The following HPSE2 variants were observed in gnomAD, a reference collection of about 807,000 sequenced individuals.
The protein encoded by HPSE2 is inactive heparanase-2.
A neutral mutation model predicts 60.5 loss-of-function variants in HPSE2; 38 were observed. That is an observed-to-expected ratio of 0.63 (90% CI 0.48 to 0.82). The LOEUF (loss-of-function observed/expected upper bound fraction) is 0.82, where lower values mean the gene tolerates loss of function less well. Ranked by LOEUF, HPSE2 falls within the 40% of genes least tolerant of loss-of-function variation. HPSE2 has a pLI of 0.00. For synonymous variants in HPSE2, 295 were observed against 293.2 expected (o/e 1.01, Z -0.06); for missense variants, 713 against 740.4 (o/e 0.96, Z 0.43).
chr10:99,262,277 G>C, the HPSE2 span, among the ~76,000 whole-genome samples: 1 of 152,086 alleles, frequency 6.6e-6, no homozygotes, highest in Non-Finnish European at 1.5e-5. Context: ...CCCCAACTCT[G>C]GTGCCAACTT....
Position 98,966,982 on chromosome 10 carries a change from A to T in HPSE2, c.610+177256T>A, listed in dbSNP as rs562590753. ...TGGGGCTCTTCCGGGCTAAGGTAAA[A>T]AGTTAGGGCTTTATGTTATGAAGAT... On this transcript the variant is annotated intron_variant, in intron 3 of 11. Transcript: ENST00000370552. 8.5e-4 allele frequency among the ~76,000 whole-genome samples: 129 copies of T among 152,220 alleles called. 1 individual carries two copies. Among genetic ancestry groups the T allele is most frequent in the African/African-American group, 2.9e-3 (122 of 41,546 alleles).
chr10:99,158,745 AT>A (rs1349977963), intron 2 of HPSE2, among the ~76,000 whole-genome samples: 1 of 151,738 alleles, frequency 6.6e-6, no homozygotes, highest in East Asian at 1.9e-4. Flanking sequence ...TTAAAGTATA[AT>A]TAAAAAAAAA....
the HPSE2 span, among the ~76,000 whole-genome samples, chr10:99,253,708 C>T: frequency 3.9e-5 from 6 of 151,938 alleles, no homozygotes; most frequent in Admixed American, 6.6e-5. Context: ...AAACTACTCA[C>T]CCAACAAAGG....
chr10:98,824,559 G>A (rs1385341139), intron 3 of HPSE2, among the ~76,000 whole-genome samples: 2 of 152,122 alleles, frequency 1.3e-5, no homozygotes, highest in Non-Finnish European at 2.9e-5. Flanking sequence ...TTAAAATGAT[G>A]GAGCTAATTT....
intron 2 of HPSE2, among the ~76,000 whole-genome samples, chr10:99,203,231 C>T (rs796176220): frequency 2.2e-4 from 34 of 152,204 alleles, no homozygotes; most frequent in African/African-American, 7.7e-4. Flanking sequence ...GGCCAGCCCC[C>T]AGGGCCAGGA....
chr10:99,118,261 C>T (rs890389741), intron 3 of HPSE2, among the ~76,000 whole-genome samples: 9 of 152,068 alleles, frequency 5.9e-5, no homozygotes, highest in South Asian at 2.1e-4. Context: ...TGGTAGCTCA[C>T]GTCTATAATC....
chr10:99,212,092 G>C (rs764024294), intron 2 of HPSE2, among the ~76,000 whole-genome samples: 2 of 152,116 alleles, frequency 1.3e-5, no homozygotes, highest in Non-Finnish European at 2.9e-5. Context: ...CAACGTCACT[G>C]ATTATCAGGG....
chr10:99,064,604 A>AAT lies in HPSE2; in HGVS notation c.610+79632_610+79633dup, dbSNP rs5787320. On this transcript the variant is annotated intron_variant, in intron 3 of 11. Transcript: ENST00000370552. Reference sequence around the variant, plus strand: ...CAATTATGGGGAAAATATTTACTTAAATATATATATATATATATATCTCCC... The same window carrying AAT: ...CAATTATGGGGAAAATATTTACTTAAATATATATATATATATATATATCTCCC... Among the ~76,000 whole-genome samples, 478 of 149,752 alleles carry AAT rather than the reference A, an allele frequency of 3.2e-3. 3 individuals are homozygous for AAT. Among genetic ancestry groups the AAT allele is most frequent in the African/African-American group, 9.9e-3 (401 of 40,600 alleles).
intron 3 of HPSE2, among the ~76,000 whole-genome samples, chr10:99,128,046 T>C (rs1845230594): frequency 1.3e-5 from 2 of 152,156 alleles, no homozygotes; most frequent in Admixed American, 1.3e-4. Context: ...CCTTAAAGCA[T>C]AAATCTCATA....
intron 3 of HPSE2, among the ~76,000 whole-genome samples, chr10:98,799,243 T>C (rs1394387836): frequency 1.3e-5 from 2 of 152,150 alleles, no homozygotes; most frequent in Non-Finnish European, 2.9e-5. Context: ...GATATAACAA[T>C]TGTAAATATA....
intron 11 of HPSE2, among the ~76,000 whole-genome samples, chr10:98,462,788 C>T (rs79272591): frequency 0.018 from 2,785 of 152,246 alleles, 77 homozygotes; most frequent in African/African-American, 0.063. Flanking sequence ...CTGCTGCTCT[C>T]ACCCTTGACT....
chr10:98,499,760 CT>C (rs1309378326), intron 9 of HPSE2, among the ~76,000 whole-genome samples: 1 of 152,178 alleles, frequency 6.6e-6, no homozygotes, highest in Non-Finnish European at 1.5e-5. Flanking sequence ...CAACAACCAA[CT>C]ATCTGCTGCC....
At chr10:98,891,636 C>T (rs1032831432) in intron 3 of HPSE2, among the ~76,000 whole-genome samples, 9 of 151,998 alleles carry the variant, frequency 5.9e-5, no homozygotes, top group African/African-American at 1.9e-4. Flanking sequence ...TCTATTTTTT[C>T]ACAGAGACAG....
intron 3 of HPSE2, among the ~76,000 whole-genome samples, chr10:98,870,145 A>T (rs1244758243): frequency 2.0e-5 from 3 of 152,200 alleles, no homozygotes; most frequent in Non-Finnish European, 4.4e-5. Context: ...CAAACTATCC[A>T]GTGAATATAC....
chr10:99,074,146 G>A (rs927065349), intron 3 of HPSE2, among the ~76,000 whole-genome samples: 5 of 151,986 alleles, frequency 3.3e-5, no homozygotes, highest in Non-Finnish European at 7.4e-5. Context: ...ATCCTACAGG[G>A]AAAATTTTCA....
intron 9 of HPSE2, among the ~76,000 whole-genome samples, chr10:98,599,294 G>A (rs1162832880): frequency 6.6e-6 from 1 of 152,180 alleles, no homozygotes; most frequent in Non-Finnish European, 1.5e-5. Context: ...TCTAGAGTCT[G>A]TATCCACGGT....
chr10:98,569,066 AT>A (rs58007353), intron 9 of HPSE2, among the ~76,000 whole-genome samples: 166 of 143,448 alleles, frequency 1.2e-3, no homozygotes, highest in South Asian at 8.6e-3. Flanking sequence ...AAAAAGTCTG[AT>A]TTTTTTTTTT....
intron 4 of HPSE2, among the ~76,000 whole-genome samples, chr10:98,725,627 A>C (rs1317981586): frequency 6.6e-6 from 1 of 152,228 alleles, no homozygotes; most frequent in African/African-American, 2.4e-5. Flanking sequence ...ACAAAAGCCA[A>C]AATTGACAAA....
At position 98,978,276 on chromosome 10, in the gene HPSE2, T is replaced by C. The variant is rs539211496; in HGVS notation, c.610+165962A>G. ...CTATGGTTTCGAAGGAATCATTTTC[T>C]ATAAGCAGGCCTTTAAAAAAAATCC... is the stretch of plus-strand genomic sequence containing the variant. On this transcript the variant is annotated intron_variant, in intron 3 of 11. Transcript: ENST00000370552. Among the ~76,000 whole-genome samples the C allele has an allele frequency of 2.6e-5, 4 of 152,336 alleles. No homozygotes were observed. The South Asian group carries it at 8.3e-4, about 32-fold the overall frequency.
Sources: gnomAD v4.1 joint callset for allele counts (sites outside exome capture counted in the v4.1 genomes callset) on GRCh38, gnomAD v4.1.1 for gene constraint, MANE v1.5 for transcripts, NCBI Gene and HGNC (gene_info 2026-07-23, HGNC 2026-07-21) for gene names.